Variants in CUX2 observed in about 807,000 individuals in gnomAD.
CUX2 encodes cut like homeobox 2, also known as homeobox protein cut-like 2.
Under a neutral mutation model 144.8 loss-of-function variants are expected in CUX2, and 40 were observed. That is an observed-to-expected ratio of 0.28 (90% CI 0.21 to 0.36). The LOEUF is 0.36. Among genes scored for constraint, CUX2 ranks in the 10% least tolerant of loss-of-function variants. The pLI is 1.00. For synonymous variants in CUX2, 827 were observed against 875.6 expected (o/e 0.94, Z 0.98); for missense variants, 1,615 against 1,994.0 (o/e 0.81, Z 3.62).
intron 3 of CUX2, among the ~76,000 whole-genome samples, chr12:111,218,569 A>G (rs1881679691): frequency 6.6e-6 from 1 of 152,018 alleles, no homozygotes; most frequent in Non-Finnish European, 1.5e-5. Flanking sequence ...GAACAAACCT[A>G]CCTCACCTTC....
At chr12:111,118,966 A>G (rs1325855908) in intron 1 of CUX2, among the ~76,000 whole-genome samples, 1 of 152,216 alleles carries the variant, frequency 6.6e-6, no homozygotes, top group Non-Finnish European at 1.5e-5. Flanking sequence ...CATGTTAGGA[A>G]AATTGAGAAA....
In CUX2 at chr12:111,310,398, G is replaced by A. The variant is rs762007286; in HGVS notation, c.1616G>A (p.Gly539Asp). 9.3e-6 allele frequency: 15 copies of A among 1,608,478 alleles called. No individual in the cohort carries two copies. Among genetic ancestry groups the A allele is most frequent in the Non-Finnish European group, 1.3e-5 (15 of 1,177,084 alleles). ...PLGGPEPADG[G>D]GGGAAGPGAE... The stretch of plus-strand genomic sequence containing the variant: ...GGCGGTCCTGAGCCCGCGGATGGTG[G>A]TGGGGGCGGAGCGGCGGGGCCCGGG... Residue 539 changes from glycine (G) to aspartate (D), a missense_variant, in exon 15 of 22, where the codon GGT (glycine) becomes GAT (aspartate). By Grantham distance (94) the Gly-to-Asp change is moderately conservative. Coordinates refer to ENST00000261726, the MANE Select transcript of CUX2 (RefSeq NM_015267.4). The surrounding 1 kb of genome is among the most constrained non-coding windows in gnomAD (Gnocchi z 7.9).
rs542207212 is a variant in CUX2 at position 111,207,687 on chromosome 12, A to G, written c.64-6513A>G. On this transcript the variant is annotated intron_variant, in intron 1 of 21. Coordinates refer to ENST00000261726, the MANE Select transcript of CUX2 (RefSeq NM_015267.4). ...AAAGTGCTTAGTGCACTCAATAAAT[A>G]TTAGTATATATGGTGTAATAGACTC... Among the ~76,000 whole-genome samples, 3 of 152,276 alleles carry G rather than the reference A, an allele frequency of 2.0e-5. No individual in the cohort carries two copies. In the South Asian group the frequency reaches 6.2e-4, roughly 32 times the overall value.
chr12:111,281,190 G>A (rs1362810675), intron 4 of CUX2, among the ~76,000 whole-genome samples: 1 of 152,094 alleles, frequency 6.6e-6, no homozygotes, highest in Non-Finnish European at 1.5e-5. Flanking sequence ...AGGGGCTTTG[G>A]CATCTACGTG....
intron 3 of CUX2, among the ~76,000 whole-genome samples, chr12:111,245,988 AC>A (rs1360417587): frequency 6.6e-6 from 1 of 152,060 alleles, no homozygotes; most frequent in African/African-American, 2.4e-5. Context: ...AGTGGCCTGT[AC>A]CCCGCTCAGG....
intron 1 of CUX2, among the ~76,000 whole-genome samples, chr12:111,089,149 C>T (rs763167499): frequency 7.9e-5 from 12 of 152,208 alleles, no homozygotes; most frequent in Non-Finnish European, 1.2e-4. Flanking sequence ...GTAATGATCA[C>T]GGTCAGTTTG....
intron 1 of CUX2, among the ~76,000 whole-genome samples, chr12:111,064,501 T>C (rs1052270219): frequency 3.3e-5 from 5 of 152,236 alleles, no homozygotes; most frequent in African/African-American, 9.6e-5. Context: ...GGCCTGGATT[T>C]GAGTCTGGCT....
In CUX2 at chr12:111,312,791, T is replaced by C. The variant is rs1261861658; in HGVS notation, c.2002+590T>C. Among the ~76,000 whole-genome samples the C allele has an allele frequency of 6.6e-6, 1 of 152,082 alleles. No homozygotes were observed. The highest frequency in any genetic ancestry group is 2.4e-5 in the African/African-American group (1 of 41,424). ...CCATGCCTGTCACATGAACTGTTCA[T>C]AGTCATGCCCAGCTGCCGTGCACTC... On this transcript the variant is annotated intron_variant, in intron 16 of 21. Transcript: ENST00000261726. This position sits in a 1 kb window ranked among gnomAD's most constrained non-coding sequence, Gnocchi z 4.3.
At chr12:111,078,767 G>C (rs991484160) in intron 1 of CUX2, among the ~76,000 whole-genome samples, 1 of 152,160 alleles carries the variant, frequency 6.6e-6, no homozygotes, top group Admixed American at 6.5e-5. Context: ...GTTTGAGTTT[G>C]GTGATGGAAA....
rs1877693136 is a variant in CUX2, at chr12:111,160,573, G to A, written c.64-53627G>A. ...GCGAGATGCGAGCAGGGAGCAGGGT[G>A]GCACTTGGCTGTGGAGGTCTCCTTG... is the stretch of plus-strand genomic sequence containing the variant. On this transcript the variant is annotated intron_variant, in intron 1 of 21. Transcript: ENST00000261726. This position sits in a 1 kb window ranked among gnomAD's most constrained non-coding sequence, Gnocchi z 4.1. Among the ~76,000 whole-genome samples the A allele has an allele frequency of 1.3e-5, 2 of 152,172 alleles. No homozygotes were observed. Among genetic ancestry groups the A allele is most frequent in the South Asian group, 4.1e-4 (2 of 4,824 alleles).
chr12:111,250,141 T>C (rs893089813), intron 3 of CUX2, among the ~76,000 whole-genome samples: 2 of 152,122 alleles, frequency 1.3e-5, no homozygotes, highest in African/African-American at 4.8e-5. Context: ...GCCCACCCCC[T>C]TTCCCTTCCA....
chr12:111,190,440 A>G lies in CUX2; in HGVS notation c.64-23760A>G, dbSNP rs1879808818. On this transcript the variant is annotated intron_variant, in intron 1 of 21. Coordinates refer to ENST00000261726, the MANE Select transcript of CUX2 (RefSeq NM_015267.4). The surrounding 1 kb of genome is among the most constrained non-coding windows in gnomAD (Gnocchi z 4.0). Reference sequence around the variant, plus strand: ...CACACTCTTGTTCCTGACCTTTCTCAGGGAGACATCTCCCCAAATTCATGA... The same window carrying G: ...CACACTCTTGTTCCTGACCTTTCTCGGGGAGACATCTCCCCAAATTCATGA... Among the ~76,000 whole-genome samples the G allele has an allele frequency of 6.6e-6, 1 of 152,104 alleles. No homozygotes were observed. Among genetic ancestry groups the G allele is most frequent in the East Asian group, 1.9e-4 (1 of 5,200 alleles).
intron 1 of CUX2, among the ~76,000 whole-genome samples, chr12:111,146,821 T>G (rs1399061244): frequency 6.6e-6 from 1 of 152,056 alleles, no homozygotes; most frequent in Non-Finnish European, 1.5e-5. Flanking sequence ...CGGTTTCTCC[T>G]TCTGTAAAAT....
At chr12:111,347,416 A>T in intron 21 of CUX2, 108 bp from the exon 22 acceptor site, 2 of 1,004,560 alleles carry the variant, frequency 2.0e-6, no homozygotes, top group African/African-American at 1.6e-5. Flanking sequence ...CTTAGTGCCT[A>T]GAGAGCCCCA....
chr12:111,220,835 C>G (rs1275831352), intron 3 of CUX2, among the ~76,000 whole-genome samples: 2 of 134,040 alleles, frequency 1.5e-5, no homozygotes, highest in African/African-American at 5.6e-5. Flanking sequence ...ACTCAGGAGG[C>G]TGAGGTGGGA....
At chr12:111,133,042 A>G (rs1336227326) in intron 1 of CUX2, among the ~76,000 whole-genome samples, 1 of 152,118 alleles carries the variant, frequency 6.6e-6, no homozygotes, top group Non-Finnish European at 1.5e-5. Flanking sequence ...AAACATAACA[A>G]ACCTTTGCTC....
In CUX2 at chr12:111,350,245, T is replaced by C. The variant is rs920860782; in HGVS notation, c.*1920T>C. On this transcript the variant is annotated 3_prime_UTR_variant, in exon 22 of 22. Transcript: ENST00000261726. ...CGTGGGGGAACACACCACTTTTTAC[T>C]GTTGAAACCAACACAACGTTGAAAT... The C allele has an allele frequency of 1.3e-5, 2 of 152,500 alleles. No individual in the cohort carries two copies. The highest frequency in any genetic ancestry group is 2.9e-5 in the Non-Finnish European group (2 of 68,040). The allele number at this position is 152,500 out of a possible 1,614,324, so 9.4% of individuals were successfully genotyped here.
chr12:111,134,747 C>T (rs962605423), intron 1 of CUX2, among the ~76,000 whole-genome samples: 1 of 151,944 alleles, frequency 6.6e-6, no homozygotes, highest in Non-Finnish European at 1.5e-5. Flanking sequence ...TGAATTTTGC[C>T]TGGAGAGGTC....
At chr12:111,090,985 C>A (rs1360406042) in intron 1 of CUX2, among the ~76,000 whole-genome samples, 1 of 152,302 alleles carries the variant, frequency 6.6e-6, no homozygotes, top group South Asian at 2.1e-4. Context: ...TGTGCTTCTC[C>A]TTGATCTTCT....
Sources: allele counts gnomAD v4.1 joint callset (sites outside exome capture counted in the v4.1 genomes callset), GRCh38; gene constraint gnomAD v4.1.1; non-coding constraint Gnocchi (gnomAD v3.1); transcripts MANE v1.5; gene names NCBI Gene and HGNC (gene_info 2026-07-23, HGNC 2026-07-21).